The following CRTC2 variants were observed in gnomAD, a reference collection of about 807,000 sequenced individuals.
The protein encoded by CRTC2 is CREB regulated transcription coactivator 2, also known as CREB-regulated transcription coactivator 2.
A neutral mutation model predicts 70.9 loss-of-function variants in CRTC2; 25 were observed. That is an observed-to-expected ratio of 0.35 (90% CI 0.26 to 0.49). CRTC2 has a LOEUF of 0.49. Among genes scored for constraint, CRTC2 ranks in the 20% least tolerant of loss-of-function variants. The probability of loss-of-function intolerance (pLI) is 0.98; values close to 1 mark genes in which losing one functional copy is unlikely to be tolerated. For missense variants in CRTC2, 737 were observed against 882.6 expected, an observed-to-expected ratio of 0.83 and a Z score of 2.09; for synonymous variants, 330 against 364.1, an observed-to-expected ratio of 0.91 and a Z score of 1.07.
Position 153,948,657 on chromosome 1 carries a change from A to G in CRTC2, c.1675-13T>C. On this transcript the variant is annotated splice_polypyrimidine_tract_variant and intron_variant, in intron 12 of 13. Coordinates refer to ENST00000368633, the MANE Select transcript of CRTC2 (RefSeq NM_181715.3). Reference sequence around the variant, plus strand: ...TGAACTGCTCCAGCTATAGACATACAGACAAATCTTTAGGAAGTAGGATTT... The same window carrying G: ...TGAACTGCTCCAGCTATAGACATACGGACAAATCTTTAGGAAGTAGGATTT... 2 of 1,570,376 alleles carry G rather than the reference A, an allele frequency of 1.3e-6. No homozygotes were observed. Among genetic ancestry groups the G allele is most frequent in the Non-Finnish European group, 8.6e-7 (1 of 1,159,150 alleles).
In CRTC2 at chr1:153,951,992, G is replaced by C. The variant is rs547941993; in HGVS notation, c.997+26C>G. 2.5e-6 allele frequency: 4 copies of C among 1,601,836 alleles called. No homozygotes were observed. In the East Asian group the frequency reaches 6.7e-5, roughly 27 times the overall value. ...CCCTCCAGTCAGGCAGCACCCAGTG[G>C]GCACATGGCCAGGACAGTCACTCAC... On this transcript the variant is annotated intron_variant, in intron 10 of 13. Transcript: ENST00000368633.
intron 4 of CRTC2, 125 bp from the exon 5 acceptor site, chr1:153,953,731 C>T (rs1304233320): frequency 3.2e-6 from 2 of 621,514 alleles, no homozygotes; most frequent in Non-Finnish European, 2.8e-6. Context: ...AGATCATCCC[C>T]TTTTCTTTCT....
chr1:153,954,071 T>C (rs933854450), intron 4 of CRTC2, among the ~76,000 whole-genome samples, 184 bp downstream of exon 4: 1 of 152,166 alleles, frequency 6.6e-6, no homozygotes, highest in African/African-American at 2.4e-5. Flanking sequence ...AGTGTCAACA[T>C]GGCCAAGGCT....
chr1:153,958,527 C>G lies in CRTC2; in HGVS notation c.-30G>C. 6.4e-7 allele frequency: 1 copy of G among 1,573,794 alleles called. No individual in the cohort carries two copies. Among genetic ancestry groups the G allele is most frequent in the African/African-American group, 1.4e-5 (1 of 73,520 alleles). On this transcript the variant is annotated 5_prime_UTR_variant, in exon 1 of 14. Coordinates refer to ENST00000368633, the MANE Select transcript of CRTC2 (RefSeq NM_181715.3). Reference sequence around the variant, plus strand: ...CTTCCCCGTCCCTCCCTGCCACCCTCCCAGTACCAGCCGCGGCCTCCGCCG... The same window carrying G: ...CTTCCCCGTCCCTCCCTGCCACCCTGCCAGTACCAGCCGCGGCCTCCGCCG...
chr1:153,954,776 G>T, intron 3 of CRTC2, 97 bp downstream of exon 3: 1 of 1,045,004 alleles, frequency 9.6e-7, no homozygotes, highest in South Asian at 1.4e-5. Flanking sequence ...TCCAAGAGAA[G>T]GAAGGGACGC....
rs778063556 is a variant in CRTC2, at chr1:153,948,595, G to A, written c.1724C>T (p.Pro575Leu). The A allele has an allele frequency of 1.2e-6, 2 of 1,604,986 alleles. No individual in the cohort carries two copies. The highest frequency in any genetic ancestry group is 1.7e-6 in the Non-Finnish European group (2 of 1,176,322). The change falls in exon 13 of 14, where the codon CCC becomes CTC. Residue 575 changes from proline (P) to leucine (L), a missense_variant. Pro to Leu is a moderately conservative substitution (Grantham distance 98). This residue lies in a region of CRTC2 where 699 missense variants were observed against 823.7 expected (regional missense o/e 0.85). Coordinates refer to ENST00000368633, the MANE Select transcript of CRTC2 (RefSeq NM_181715.3). ...TCCAGGCCCTTCAGAAAAGCCAGGGGGATCCAGCACCAGGCTGGCTGATGG... is the reference window on the plus strand; with the variant it reads ...TCCAGGCCCTTCAGAAAAGCCAGGGAGATCCAGCACCAGGCTGGCTGATGG... ...ESPSASLVLD[P>L]PGFSEGPGFL...
In CRTC2 at chr1:153,947,776, G is replaced by A. The variant is rs1001588165; in HGVS notation, c.*333C>T. 2.9e-6 allele frequency: 1 copy of A among 345,790 alleles called. No homozygotes were observed. The highest frequency in any genetic ancestry group is 5.5e-6 in the Non-Finnish European group (1 of 183,088). The allele number at this position is 345,790 out of a possible 1,614,324, so 21.4% of individuals were successfully genotyped here. ...TGCAAGGGGAAGAGTGGTGAGGAGGGGCTGGCACTGCCCACCCCTAGGCAT... is the reference window on the plus strand; with the variant it reads ...TGCAAGGGGAAGAGTGGTGAGGAGGAGCTGGCACTGCCCACCCCTAGGCAT... On this transcript the variant is annotated 3_prime_UTR_variant, in exon 14 of 14. Transcript: ENST00000368633.
Position 153,958,336 on chromosome 1 carries a change from G to A in CRTC2, c.153+9C>T. ...AGCTCTGCTCCGGCTCCCCGGCGCG[G>A]CCCCTCACCCGGGTGGAGCCGATGT... On this transcript the variant is annotated intron_variant, in intron 1 of 13. Transcript: ENST00000368633. The A allele has an allele frequency of 1.9e-6, 3 of 1,610,594 alleles. No individual in the cohort carries two copies. Among genetic ancestry groups the A allele is most frequent in the Non-Finnish European group, 1.7e-6 (2 of 1,178,992 alleles).
In CRTC2 at chr1:153,949,137, A is replaced by T. The variant is rs200292489; in HGVS notation, c.1652T>A (p.Met551Lys). Reference sequence around the variant, plus strand: ...CACATTCCCCAGGTTGAAGTCACTCATTGGCCGGTGGTAAGACTGTTGCCC... The same window carrying T: ...CACATTCCCCAGGTTGAAGTCACTCTTTGGCCGGTGGTAAGACTGTTGCCC... ...GHGQQSYHRP[M>K]SDFNLGNLEQ... The change falls in exon 12 of 14, where the codon ATG becomes AAG. Residue 551 changes from methionine to lysine, a missense_variant. Met to Lys is a moderately conservative substitution (Grantham distance 95). Transcript: ENST00000368633. 451 of 1,610,670 alleles carry T rather than the reference A, an allele frequency of 2.8e-4. 6 individuals are homozygous for T. In the East Asian group the frequency reaches 1.0e-2, roughly 36 times the overall value.
At chr1:153,957,247 AC>A (rs1680666815) in intron 1 of CRTC2, among the ~76,000 whole-genome samples, 1 of 152,140 alleles carries the variant, frequency 6.6e-6, no homozygotes, top group African/African-American at 2.4e-5. Context: ...CAAGGGGGAT[AC>A]ACACAAAAAT....
rs779211797 is a variant in CRTC2, at chr1:153,948,119, C to T, written c.2072G>A (p.Arg691Gln). 7.4e-6 allele frequency: 12 copies of T among 1,613,926 alleles called. No individual in the cohort carries two copies. The highest frequency in any genetic ancestry group is 1.3e-5 in the African/African-American group (1 of 74,902). ...PAVEESFRSD[R>Q]LQ is the part of the protein sequence containing the mutation. ...GGTGATGAGGTGCCCTCATTGGAGC[C>T]GGTCACTGCGGAATGACTCCTCCAC... is the stretch of plus-strand genomic sequence containing the variant. The change falls in exon 14 of 14, where the codon CGG (arginine) becomes CAG (glutamine). Residue 691 changes from arginine to glutamine, a missense_variant. Arg to Gln is a conservative substitution (Grantham distance 43, BLOSUM62 1). Around this residue, in one of 3 missense-constraint regions of CRTC2, gnomAD observed 699 missense variants for 823.7 expected, o/e 0.85. Transcript: ENST00000368633.
intron 5 of CRTC2, 84 bp downstream of exon 5, chr1:153,953,454 G>C: frequency 1.3e-6 from 2 of 1,520,614 alleles, no homozygotes; most frequent in Non-Finnish European, 1.8e-6. Context: ...ACACTAGCTG[G>C]TCTGGAACAG....
At chr1:153,952,716 G>A (rs1280794860) in intron 7 of CRTC2, 81 bp from the exon 8 acceptor site, 4 of 1,598,850 alleles carry the variant, frequency 2.5e-6, no homozygotes, top group Non-Finnish European at 2.6e-6. Flanking sequence ...AGGTGGGAAG[G>A]AGTCCTGCTC....
chr1:153,954,780 G>C, intron 3 of CRTC2, 93 bp downstream of exon 3: 1 of 1,069,924 alleles, frequency 9.3e-7, no homozygotes, highest in Non-Finnish European at 1.4e-6. Flanking sequence ...AGAGAAGGAA[G>C]GGACGCACAA....
In CRTC2 at chr1:153,949,183, G is replaced by A; in HGVS notation, c.1606C>T (p.Pro536Ser). 2.5e-6 allele frequency: 4 copies of A among 1,614,062 alleles called. No homozygotes were observed. Among genetic ancestry groups the A allele is most frequent in the Non-Finnish European group, 2.5e-6 (3 of 1,179,986 alleles). ...TGCCCATGCCCACTGGGCCCAGGTG[G>A]GTACGGTGTCCCATAATGAGACTGC... is the stretch of plus-strand genomic sequence containing the variant. Reference protein sequence around the residue: ...GRQSHYGTPYPPGPSGHGQQS... With the variant: ...GRQSHYGTPYSPGPSGHGQQS... Residue 536 changes from proline (P) to serine (S), a missense_variant, in exon 12 of 14, where the codon CCA (proline) becomes TCA (serine). Around this residue, in one of 3 missense-constraint regions of CRTC2, gnomAD observed 699 missense variants for 823.7 expected, o/e 0.85. Coordinates refer to ENST00000368633, the MANE Select transcript of CRTC2 (RefSeq NM_181715.3).
Position 153,958,544 on chromosome 1 carries a change from CCTCCGCCGCGGCCTCGGCCCGG to C in CRTC2, c.-69_-48del. On this transcript the variant is annotated 5_prime_UTR_variant, in exon 1 of 14. Coordinates refer to ENST00000368633, the MANE Select transcript of CRTC2 (RefSeq NM_181715.3). The stretch of plus-strand genomic sequence containing the variant: ...GCCACCCTCCCAGTACCAGCCGCGG[CCTCCGCCGCGGCCTCGGCCCGG>C]CTCCTCCAGCCGTAGCCACCGCCGC... 6.5e-7 allele frequency: 1 copy of C among 1,527,512 alleles called. No homozygotes were observed. The highest frequency in any genetic ancestry group is 8.8e-7 in the Non-Finnish European group (1 of 1,136,640). The allele number at this position is 1,527,512 out of a possible 1,614,324, so 94.6% of individuals were successfully genotyped here.
At position 153,951,459 on chromosome 1, in the gene CRTC2, G is replaced by A; in HGVS notation, c.1205C>T (p.Ser402Phe). 6.2e-7 allele frequency: 1 copy of A among 1,600,664 alleles called. No homozygotes were observed. Among genetic ancestry groups the A allele is most frequent in the Non-Finnish European group, 8.5e-7 (1 of 1,173,032 alleles). The change falls in exon 11 of 14, where the codon TCC (serine) becomes TTC (phenylalanine). Residue 402 changes from serine (S) to phenylalanine (F), a missense_variant. Ser to Phe is a radical substitution (Grantham distance 155). Around this residue, in one of 3 missense-constraint regions of CRTC2, gnomAD observed 699 missense variants for 823.7 expected, o/e 0.85. Transcript: ENST00000368633. ...AACAGGAGATGAAGTGGAGGAGGAGGAAGAGGAGGAGGAGAGAGCCGGAGC... is the reference window on the plus strand; with the variant it reads ...AACAGGAGATGAAGTGGAGGAGGAGAAAGAGGAGGAGGAGAGAGCCGGAGC... Reference protein sequence around the residue: ...LSAPALSSSSSSSSTSSPVLG... With the variant: ...LSAPALSSSSFSSSTSSPVLG...
At position 153,953,373 on chromosome 1, in the gene CRTC2, T is replaced by TG. The variant is rs1366639001; in HGVS notation, c.504-5dup. The TG allele has an allele frequency of 2.5e-6, 4 of 1,600,330 alleles. No individual in the cohort carries two copies. Among genetic ancestry groups the TG allele is most frequent in the Non-Finnish European group, 3.4e-6 (4 of 1,171,502 alleles). On this transcript the variant is annotated splice_polypyrimidine_tract_variant and splice_region_variant and intron_variant, in intron 5 of 13. Coordinates refer to ENST00000368633, the MANE Select transcript of CRTC2 (RefSeq NM_181715.3). ...AAGGGCAGAGTCAGAGCTTGTCCTA[T>TG]GGGGGGAGCAGGAATGAGCTGACAC...
At chr1:153,956,912 G>A (rs937656369) in intron 1 of CRTC2, among the ~76,000 whole-genome samples, 4 of 152,084 alleles carry the variant, frequency 2.6e-5, no homozygotes, top group African/African-American at 9.7e-5. Flanking sequence ...TTGCACATAC[G>A]AGCCCTAAGA....
Sources: allele counts gnomAD v4.1 joint callset (sites outside exome capture counted in the v4.1 genomes callset), GRCh38; gene constraint gnomAD v4.1.1; regional missense constraint gnomAD v4.1.1; transcripts MANE v1.5; gene names NCBI Gene and HGNC (gene_info 2026-07-23, HGNC 2026-07-21).